The following ABLIM2 variants were observed in gnomAD, a reference collection of about 807,000 sequenced individuals.
ABLIM2 encodes the protein actin binding LIM protein family member 2.
ABLIM2 carries 53 observed loss-of-function variants against 97.7 expected under a neutral mutation model. The ratio of observed to expected loss-of-function variants is 0.54; its 90% confidence interval spans 0.44 to 0.68. ABLIM2 has a LOEUF of 0.68. Among genes scored for constraint, ABLIM2 ranks in the 30% least tolerant of loss-of-function variants. The pLI is 0.00. For missense variants in ABLIM2, 835 were observed against 867.2 expected (o/e 0.96, Z 0.47); for synonymous variants, 361 against 345.8 (o/e 1.04, Z -0.49).
Position 8,029,674 on chromosome 4 carries a change from G to A in ABLIM2, c.1150C>T (p.Gln384Ter). ...GRYTPTSRSP[Q>*]HYSRPAGTVS... ...CAAGTACCTGGACGGCTGTAGTGCT[G>A]TGGTGACCGTGAGGTCGGAGTGTAG... Residue 384 changes from glutamine to a stop codon, truncating the protein, a stop_gained, in exon 11 of 21, where the codon CAG (glutamine) becomes TAG (stop). Transcript: ENST00000447017. LOFTEE classifies it high-confidence loss of function. 1 of 1,550,242 alleles carries A rather than the reference G, an allele frequency of 6.5e-7. No individual in the cohort carries two copies. The highest frequency in any genetic ancestry group is 8.7e-7 in the Non-Finnish European group (1 of 1,146,702).
Position 8,075,364 on chromosome 4 carries a change from G to C in ABLIM2, c.675+2264C>G, listed in dbSNP as rs1404128769. On this transcript the variant is annotated intron_variant, in intron 6 of 20. Coordinates refer to ENST00000447017, the MANE Select transcript of ABLIM2 (RefSeq NM_001130083.2). The surrounding 1 kb of genome is among the most constrained non-coding windows in gnomAD (Gnocchi z 4.4). ...AAACTGTTCTAAAATTGACTGTGGA[G>C]ATGGCTGCAAATATCTATGGTTATT... is the stretch of plus-strand genomic sequence containing the variant. Among the ~76,000 whole-genome samples, 1 of 152,180 alleles carries C rather than the reference G, an allele frequency of 6.6e-6. No individual in the cohort carries two copies. The highest frequency in any genetic ancestry group is 2.4e-5 in the African/African-American group (1 of 41,432).
rs1032512553 is a variant in ABLIM2 at position 7,998,949 on chromosome 4, C to T, written c.1619-6022G>A. Reference sequence around the variant, plus strand: ...AGAGAGACGAGGCGACACTATCTCACCCCCTGGACTGCTGTCTGGACTCCT... The same window carrying T: ...AGAGAGACGAGGCGACACTATCTCATCCCCTGGACTGCTGTCTGGACTCCT... On this transcript the variant is annotated intron_variant, in intron 16 of 20. Transcript: ENST00000447017. This position sits in a 1 kb window ranked among gnomAD's most constrained non-coding sequence, Gnocchi z 6.4. 2.6e-5 allele frequency among the ~76,000 whole-genome samples: 4 copies of T among 152,226 alleles called. No homozygotes were observed. The highest frequency in any genetic ancestry group is 1.5e-5 in the Non-Finnish European group (1 of 68,034).
rs1267550339 is a variant in ABLIM2, at chr4:8,072,122, A to C, written c.675+5506T>G. The C allele has an allele frequency of 1.5e-5, 14 of 955,860 alleles. No homozygotes were observed. The highest frequency in any genetic ancestry group is 3.5e-5 in the African/African-American group (2 of 56,524). 59.2% of individuals were successfully genotyped at this position (955,860 alleles called of 1,614,324 possible). A position where few individuals can be genotyped will look rare whatever the true frequency, so the allele number is the denominator to read the frequency against. On this transcript the variant is annotated intron_variant, in intron 6 of 20. Coordinates refer to ENST00000447017, the MANE Select transcript of ABLIM2 (RefSeq NM_001130083.2). The surrounding 1 kb of genome is among the most constrained non-coding windows in gnomAD (Gnocchi z 5.8). ...GGCAGAGGCGAAAACAAAAGCATTA[A>C]TCTTCCCCAGGAGGCCCTTTCTCCT...
chr4:8,074,846 T>C (rs891648818), intron 6 of ABLIM2, among the ~76,000 whole-genome samples: 2 of 148,472 alleles, frequency 1.3e-5, no homozygotes, highest in Admixed American at 6.9e-5. Flanking sequence ...AGTGGCGCAG[T>C]CTCGGCTCAC....
Position 8,140,033 on chromosome 4 carries a change from A to C in ABLIM2, c.10+18647T>G, listed in dbSNP as rs952952745. Among the ~76,000 whole-genome samples, 28 of 148,222 alleles carry C rather than the reference A, an allele frequency of 1.9e-4. No individual in the cohort carries two copies. Among genetic ancestry groups the C allele is most frequent in the Admixed American group, 1.7e-3 (24 of 14,538 alleles). ...AACCAAACACTACATGTTCTCACTT[A>C]CAAGTGGGAGCTGAACAGTGAGAAC... is the stretch of plus-strand genomic sequence containing the variant. On this transcript the variant is annotated intron_variant, in intron 1 of 20. Coordinates refer to ENST00000447017, the MANE Select transcript of ABLIM2 (RefSeq NM_001130083.2). This position sits in a 1 kb window ranked among gnomAD's most constrained non-coding sequence, Gnocchi z 5.9.
At chr4:8,028,923 A>C (rs1779125108) in intron 11 of ABLIM2, among the ~76,000 whole-genome samples, 1 of 152,248 alleles carries the variant, frequency 6.6e-6, no homozygotes, top group Non-Finnish European at 1.5e-5. Context: ...TGGATGTATA[A>C]ATGGAGGCAT....
Position 8,021,988 on chromosome 4 carries a change from C to T in ABLIM2, c.1268-1685G>A, listed in dbSNP as rs1420672146. ...CGTCAGGATGCTCCACGGTGGACTC[C>T]TGCACCTCCTGGTGGCAGCAGGGGC... On this transcript the variant is annotated intron_variant, in intron 12 of 20. Transcript: ENST00000447017. The surrounding 1 kb of genome is among the most constrained non-coding windows in gnomAD (Gnocchi z 5.5). Among the ~76,000 whole-genome samples, 1 of 152,188 alleles carries T rather than the reference C, an allele frequency of 6.6e-6. No homozygotes were observed. Among genetic ancestry groups the T allele is most frequent in the Non-Finnish European group, 1.5e-5 (1 of 68,026 alleles).
chr4:8,029,871 C>T (rs966862859), intron 10 of ABLIM2, 95 bp from the exon 11 acceptor site: 3 of 1,469,278 alleles, frequency 2.0e-6, no homozygotes, highest in Admixed American at 2.1e-5. Flanking sequence ...GTTTGCCCTC[C>T]TGACCCAAGT....
chr4:8,012,676 T>C (rs1005920151), intron 14 of ABLIM2, among the ~76,000 whole-genome samples: 1 of 151,752 alleles, frequency 6.6e-6, no homozygotes, highest in Non-Finnish European at 1.5e-5. Context: ...TCCATCCACT[T>C]GTGCCTTCAC....
Position 8,004,163 on chromosome 4 carries a change from C to T in ABLIM2, c.1618+3896G>A, listed in dbSNP as rs1759431144. Among the ~76,000 whole-genome samples the T allele has an allele frequency of 6.6e-6, 1 of 151,994 alleles. No individual in the cohort carries two copies. The highest frequency in any genetic ancestry group is 2.4e-5 in the African/African-American group (1 of 41,382). ...CAGGGTCGCTGTCTCCTAACCCTCC[C>T]TCCCAACGGGCTCCGAGACCAGGCA... On this transcript the variant is annotated intron_variant, in intron 16 of 20. Transcript: ENST00000447017. This position sits in a 1 kb window ranked among gnomAD's most constrained non-coding sequence, Gnocchi z 5.9.
intron 1 of ABLIM2, among the ~76,000 whole-genome samples, chr4:8,110,208 C>T (rs1158494367): frequency 2.0e-5 from 3 of 152,254 alleles, no homozygotes; most frequent in Non-Finnish European, 4.4e-5. Flanking sequence ...CTTCAAGACG[C>T]TTATGTTCTC....
chr4:8,006,537 A>G (rs4696664), intron 16 of ABLIM2, among the ~76,000 whole-genome samples: 95,227 of 152,134 alleles, frequency 0.63, 30,673 homozygotes, highest in East Asian at 0.82. Context: ...TGAGCAAAGT[A>G]GGGAGGGTGC....
At chr4:8,135,741 G>A (rs909047224) in intron 1 of ABLIM2, among the ~76,000 whole-genome samples, 32 of 152,306 alleles carry the variant, frequency 2.1e-4, no homozygotes, top group Admixed American at 1.9e-3. Flanking sequence ...CAGATGACGC[G>A]GGTTCCGAAG....
intron 1 of ABLIM2, among the ~76,000 whole-genome samples, chr4:8,152,808 G>C (rs955754435): frequency 6.6e-5 from 10 of 152,182 alleles, no homozygotes; most frequent in African/African-American, 2.2e-4. Flanking sequence ...GGCAGAGACT[G>C]GTCAGCTCAT....
In ABLIM2 at chr4:8,147,862, G is replaced by C. The variant is rs894789396; in HGVS notation, c.10+10818C>G. 1.3e-5 allele frequency among the ~76,000 whole-genome samples: 2 copies of C among 152,234 alleles called. No homozygotes were observed. The highest frequency in any genetic ancestry group is 2.4e-5 in the African/African-American group (1 of 41,462). On this transcript the variant is annotated intron_variant, in intron 1 of 20. Transcript: ENST00000447017. This position sits in a 1 kb window ranked among gnomAD's most constrained non-coding sequence, Gnocchi z 5.3. ...CCCTAGACACTCACAGGTGGCCTTT[G>C]CCCAGCACTCTGGTTGTGCCATCTT...
intron 1 of ABLIM2, among the ~76,000 whole-genome samples, chr4:8,135,937 T>C (rs1850134318): frequency 6.6e-6 from 1 of 152,230 alleles, no homozygotes. Context: ...AACCGGTCCC[T>C]GCTCTGAGGT....
chr4:8,050,182 G>A (rs1169769890), intron 8 of ABLIM2, among the ~76,000 whole-genome samples: 2 of 152,094 alleles, frequency 1.3e-5, no homozygotes, highest in Non-Finnish European at 2.9e-5. Context: ...CCAACACCTT[G>A]GGCGCCTGTT....
rs1475434927 is a variant in ABLIM2 at position 8,120,387 on chromosome 4, T to A, written c.11-13750A>T. 6.6e-6 allele frequency among the ~76,000 whole-genome samples: 1 copy of A among 151,840 alleles called. No individual in the cohort carries two copies. Among genetic ancestry groups the A allele is most frequent in the African/African-American group, 2.4e-5 (1 of 41,294 alleles). ...GGGTCCTCATCCAGTCTGACTGGTG[T>A]CAGAAAAAGGGGAAATGTGGACACA... On this transcript the variant is annotated intron_variant, in intron 1 of 20. Transcript: ENST00000447017. This position sits in a 1 kb window ranked among gnomAD's most constrained non-coding sequence, Gnocchi z 5.6.
At chr4:8,098,121 T>C (rs1468022473) in intron 2 of ABLIM2, among the ~76,000 whole-genome samples, 1 of 152,106 alleles carries the variant, frequency 6.6e-6, no homozygotes, top group Non-Finnish European at 1.5e-5. Context: ...GCCCAGGCCA[T>C]GCATGGTTTC....
Sources: allele counts gnomAD v4.1 joint callset (sites outside exome capture counted in the v4.1 genomes callset), GRCh38; gene constraint gnomAD v4.1.1; non-coding constraint Gnocchi (gnomAD v3.1); transcripts MANE v1.5; gene names NCBI Gene and HGNC (gene_info 2026-07-23, HGNC 2026-07-21).